SMURF1: variants seen among roughly 807,000 people sequenced by gnomAD.
The protein encoded by SMURF1 is E3 ubiquitin-protein ligase SMURF1.
A neutral mutation model predicts 98.0 loss-of-function variants in SMURF1; 44 were observed. The ratio of observed to expected loss-of-function variants is 0.45; its 90% CI spans 0.35 to 0.58. The LOEUF (loss-of-function observed/expected upper bound fraction) is 0.58, where lower values mean the gene tolerates loss of function less well. Among genes scored for constraint, SMURF1 ranks in the 20% least tolerant of loss-of-function variants. The pLI is 0.00. For synonymous variants in SMURF1, 396 were observed against 374.9 expected (o/e 1.06, Z -0.65); for missense variants, 687 against 938.4 (o/e 0.73, Z 3.50).
rs540994473 is a variant in SMURF1 at position 99,066,888 on chromosome 7, C to T, written c.56-5051G>A. ...AGTTAATGGTATATGATTTCTCCTA[C>T]TAAAATAGCTTTGTGATCAGGACAT... On this transcript the variant is annotated intron_variant, in intron 1 of 17. Coordinates refer to ENST00000361368, the MANE Select transcript of SMURF1 (RefSeq NM_181349.3). 2.5e-4 allele frequency among the ~76,000 whole-genome samples: 38 copies of T among 151,890 alleles called. No individual in the cohort carries two copies. In the South Asian group the frequency reaches 7.1e-3, roughly 28 times the overall value.
At chr7:99,060,507 CTTTT>C (rs11311529) in intron 3 of SMURF1, 88 bp downstream of exon 3, 12 of 568,036 alleles carry the variant, frequency 2.1e-5, no homozygotes, top group Non-Finnish European at 3.0e-5. Flanking sequence ...AAAAGTCATC[CTTTT>C]TTTTTTTTTC....
intron 1 of SMURF1, among the ~76,000 whole-genome samples, chr7:99,097,530 A>C (rs913767053): frequency 1.3e-5 from 2 of 152,152 alleles, no homozygotes; most frequent in Non-Finnish European, 2.9e-5. Flanking sequence ...TCTCTCACAC[A>C]TGTTCTCTTG....
At chr7:99,090,343 G>A (rs1256867084) in intron 1 of SMURF1, among the ~76,000 whole-genome samples, 3 of 152,126 alleles carry the variant, frequency 2.0e-5, no homozygotes, top group Non-Finnish European at 4.4e-5. Flanking sequence ...GTTGATCATG[G>A]GTTGGGAGCT....
intron 13 of SMURF1, among the ~76,000 whole-genome samples, chr7:99,039,481 G>A (rs1231518587): frequency 6.6e-6 from 1 of 152,034 alleles, no homozygotes; most frequent in Non-Finnish European, 1.5e-5. Flanking sequence ...GAGTAGCTGG[G>A]ATTACAGGCA....
At chr7:99,048,966 C>T (rs1224805543) in intron 9 of SMURF1, 1 of 152,238 alleles carries the variant, frequency 6.6e-6, no homozygotes, top group Non-Finnish European at 1.5e-5. Flanking sequence ...TGGCGGGCGC[C>T]TGTAATCCCA....
At chr7:99,083,343 A>G (rs549965976) in intron 1 of SMURF1, among the ~76,000 whole-genome samples, 39 of 152,338 alleles carry the variant, frequency 2.6e-4, no homozygotes, top group African/African-American at 9.1e-4. Flanking sequence ...CCTCAGGCCA[A>G]TGTCAAAAAG....
chr7:99,043,852 C>T (rs990946010), intron 11 of SMURF1, among the ~76,000 whole-genome samples: 1 of 152,054 alleles, frequency 6.6e-6, no homozygotes, highest in Admixed American at 6.6e-5. Flanking sequence ...GGGAGGACGC[C>T]AAGAAAGGGG....
chr7:99,108,882 G>C (rs1343563428), intron 1 of SMURF1, among the ~76,000 whole-genome samples: 3 of 152,118 alleles, frequency 2.0e-5, no homozygotes, highest in Admixed American at 6.5e-5. Flanking sequence ...ATTTGGAAGA[G>C]GTTGAGTTTT....
At chr7:99,130,683 T>TA (rs910905926) in intron 1 of SMURF1, among the ~76,000 whole-genome samples, 1 of 152,196 alleles carries the variant, frequency 6.6e-6, no homozygotes, top group African/African-American at 2.4e-5. Context: ...ACCTTCCTTT[T>TA]ACTCAGCATA....
chr7:99,044,120 T>TG (rs1174301023), intron 11 of SMURF1, among the ~76,000 whole-genome samples: 5 of 152,304 alleles, frequency 3.3e-5, no homozygotes, highest in African/African-American at 1.2e-4. Context: ...AACACCCACC[T>TG]GGCCACCATG....
chr7:99,074,710 TA>T lies in SMURF1; in HGVS notation c.56-12874del, dbSNP rs201973449. Among the ~76,000 whole-genome samples, 150 of 148,190 alleles carry T rather than the reference TA, an allele frequency of 1.0e-3. 2 individuals are homozygous for T. The highest frequency in any genetic ancestry group is 3.0e-3 in the African/African-American group (121 of 40,398). On this transcript the variant is annotated intron_variant, in intron 1 of 17. Coordinates refer to ENST00000361368, the MANE Select transcript of SMURF1 (RefSeq NM_181349.3). ...GAATAAAGAACTCTACAACTCAATTTAAAAAAAAAACCCAATCCAATTAAAA... is the reference window on the plus strand; with the variant it reads ...GAATAAAGAACTCTACAACTCAATTTAAAAAAAAACCCAATCCAATTAAAA...
intron 1 of SMURF1, among the ~76,000 whole-genome samples, chr7:99,089,189 T>C (rs1796750239): frequency 6.8e-6 from 1 of 146,860 alleles, no homozygotes; most frequent in Non-Finnish European, 1.5e-5. Context: ...GGTGACCTAG[T>C]GAGACTCTGT....
At chr7:99,137,387 T>G (rs1053464834) in intron 1 of SMURF1, among the ~76,000 whole-genome samples, 2 of 152,222 alleles carry the variant, frequency 1.3e-5, no homozygotes, top group African/African-American at 4.8e-5. Context: ...CCTTTCTTCA[T>G]TGTGGTACTT....
At chr7:99,107,535 G>A (rs1393929678) in intron 1 of SMURF1, among the ~76,000 whole-genome samples, 1 of 152,134 alleles carries the variant, frequency 6.6e-6, no homozygotes, top group African/African-American at 2.4e-5. Flanking sequence ...CCAGACTCAT[G>A]AGGAGCTCCT....
intron 1 of SMURF1, among the ~76,000 whole-genome samples, chr7:99,091,579 G>A (rs547833946): frequency 6.6e-6 from 1 of 152,238 alleles, no homozygotes; most frequent in South Asian, 2.1e-4. Context: ...AAACCAAGGA[G>A]CCTCTAATTC....
At chr7:99,099,872 C>G (rs1797035700) in intron 1 of SMURF1, among the ~76,000 whole-genome samples, 1 of 152,120 alleles carries the variant, frequency 6.6e-6, no homozygotes. Context: ...AATGCTCAGT[C>G]CTGAACTTTC....
intron 1 of SMURF1, among the ~76,000 whole-genome samples, chr7:99,137,080 C>T (rs939705047): frequency 2.0e-5 from 3 of 152,202 alleles, no homozygotes; most frequent in African/African-American, 7.2e-5. Flanking sequence ...TTTCTGAATA[C>T]ATAATTTATC....
chr7:99,051,136 A>G (rs1195627928), intron 8 of SMURF1: 2 of 847,276 alleles, frequency 2.4e-6, no homozygotes, highest in South Asian at 1.7e-5. Context: ...AACAATGATC[A>G]TGGTCAACCT....
chr7:99,067,248 G>A (rs1463605731), intron 1 of SMURF1, among the ~76,000 whole-genome samples: 3 of 151,330 alleles, frequency 2.0e-5, no homozygotes, highest in Middle Eastern at 3.4e-3. Context: ...CACCCGCCTC[G>A]GCCTCCCAAA....
Sources: gnomAD v4.1 joint callset for allele counts (sites outside exome capture counted in the v4.1 genomes callset) on GRCh38, gnomAD v4.1.1 for gene constraint, MANE v1.5 for transcripts, NCBI Gene and HGNC (gene_info 2026-07-23, HGNC 2026-07-21) for gene names.